Variants in ZNF829 observed in about 807,000 individuals in gnomAD.
ZNF829 encodes the protein zinc finger protein 829.
ZNF829 carries 25 observed loss-of-function variants against 35.2 expected under a neutral mutation model. That is an observed-to-expected ratio of 0.71 (90% confidence interval 0.52 to 0.99). ZNF829 has a LOEUF of 0.99. Among genes scored for constraint, ZNF829 ranks in the 50% least tolerant of loss-of-function variants. The probability of loss-of-function intolerance (pLI) is 0.00; values close to 1 mark genes in which losing one functional copy is unlikely to be tolerated. For missense variants in ZNF829, 417 were observed against 515.3 expected (o/e 0.81, Z 1.85); for synonymous variants, 136 against 163.2 (o/e 0.83, Z 1.27).
intron 5 of ZNF829, 57 bp from the exon 6 acceptor site, chr19:36,892,528 T>G: frequency 6.8e-7 from 1 of 1,476,348 alleles, no homozygotes; most frequent in Non-Finnish European, 9.0e-7. Flanking sequence ...TTAAAACTTC[T>G]AAAAAAGAAA....
chr19:36,900,836 AGACTGTCTC>A, intron 5 of ZNF829, among the ~76,000 whole-genome samples: 1 of 142,522 alleles, frequency 7.0e-6, no homozygotes. Context: ...CAACAGAGCG[AGACTGTCTC>A]AGAAAAAAAA....
intron 5 of ZNF829, among the ~76,000 whole-genome samples, 175 bp from the exon 6 acceptor site, chr19:36,892,646 A>G (rs2073069080): frequency 6.6e-6 from 1 of 152,198 alleles, no homozygotes; most frequent in African/African-American, 2.4e-5. Flanking sequence ...GAGAGGTAAT[A>G]AAAGAAGCTG....
chr19:36,898,256 T>C (rs1250435118), intron 5 of ZNF829, among the ~76,000 whole-genome samples: 6 of 152,102 alleles, frequency 3.9e-5, no homozygotes, highest in Admixed American at 3.3e-4. Flanking sequence ...TTTATTAATA[T>C]AATAGCTACA....
At chr19:36,908,122 A>C (rs1454356432) in intron 4 of ZNF829, 98 bp from the exon 5 acceptor site, 2 of 1,245,790 alleles carry the variant, frequency 1.6e-6, no homozygotes, top group Non-Finnish European at 2.3e-6. Context: ...CCACTACAAG[A>C]AGGACCGGAG....
At position 36,891,485 on chromosome 19, in the gene ZNF829, C is replaced by T; in HGVS notation, c.*7G>A. The T allele has an allele frequency of 6.5e-7, 1 of 1,531,080 alleles. No individual in the cohort carries two copies. Among genetic ancestry groups the T allele is most frequent in the Non-Finnish European group, 8.7e-7 (1 of 1,143,400 alleles). The allele number at this position is 1,531,080 out of a possible 1,614,324, so 94.8% of individuals were successfully genotyped here. A position where few individuals can be genotyped will look rare whatever the true frequency, so the allele number is the denominator to read the frequency against. ...AGGTTAACAAAATGGTCTTACTTTA[C>T]TGTCATTCAACCAGTATGAATTCCC... On this transcript the variant is annotated 3_prime_UTR_variant, in exon 6 of 6. Coordinates refer to ENST00000391711, the MANE Select transcript of ZNF829 (RefSeq NM_001037232.4).
Position 36,889,656 on chromosome 19 carries a change from ATCT to A in ZNF829, c.*1833_*1835del, listed in dbSNP as rs1345790528. The A allele has an allele frequency of 6.6e-6, 1 of 151,846 alleles. No homozygotes were observed. The highest frequency in any genetic ancestry group is 1.5e-5 in the Non-Finnish European group (1 of 67,952). 9.4% of individuals were successfully genotyped at this position (151,846 alleles called of 1,614,324 possible). On this transcript the variant is annotated 3_prime_UTR_variant, in exon 6 of 6. Transcript: ENST00000391711. ...ATCATTTCTGATTGTATTTATTTGA[ATCT>A]TCTTTTTTTCTTGGTTAATCTAGCT...
intron 5 of ZNF829, chr19:36,906,354 A>C (rs2073215319): frequency 6.6e-6 from 1 of 152,226 alleles, no homozygotes; most frequent in Non-Finnish European, 1.5e-5. Flanking sequence ...GATACATAGA[A>C]TATAATAAGA....
chr19:36,892,660 A>C (rs1442488883), intron 5 of ZNF829, among the ~76,000 whole-genome samples, 189 bp from the exon 6 acceptor site: 1 of 152,226 alleles, frequency 6.6e-6, no homozygotes, highest in African/African-American at 2.4e-5. Flanking sequence ...GAAGCTGAGG[A>C]TGTGGATTCA....
chr19:36,915,647 G>C (rs1319839733), intron 1 of ZNF829: 3 of 589,682 alleles, frequency 5.1e-6, no homozygotes, highest in African/African-American at 1.9e-5. Flanking sequence ...CGCCAGGCTG[G>C]AGTGCAGTGG....
At chr19:36,899,328 T>G (rs111858729) in intron 5 of ZNF829, among the ~76,000 whole-genome samples, 2,034 of 151,798 alleles carry the variant, frequency 0.013, 57 homozygotes, top group African/African-American at 0.047. Context: ...ACCTGCAGTC[T>G]TAGCTACTTA....
At chr19:36,897,794 A>T (rs1285462302) in intron 5 of ZNF829, among the ~76,000 whole-genome samples, 1 of 152,244 alleles carries the variant, frequency 6.6e-6, no homozygotes, top group Non-Finnish European at 1.5e-5. Context: ...CATATATTTA[A>T]AAACCTAAAG....
chr19:36,893,260 A>G (rs905708757), intron 5 of ZNF829, among the ~76,000 whole-genome samples: 2 of 152,180 alleles, frequency 1.3e-5, no homozygotes, highest in African/African-American at 4.8e-5. Context: ...TGCATACAGC[A>G]TGATATGGGC....
At chr19:36,905,140 A>G (rs2073205041) in intron 5 of ZNF829, among the ~76,000 whole-genome samples, 1 of 152,126 alleles carries the variant, frequency 6.6e-6, no homozygotes, top group African/African-American at 2.4e-5. Context: ...CTGTTTTACA[A>G]CTTTCTTCTG....
intron 5 of ZNF829, chr19:36,902,068 ATC>A: frequency 1.9e-6 from 1 of 522,800 alleles, no homozygotes; most frequent in South Asian, 2.2e-5. Context: ...TTATCTATGT[ATC>A]TGTTACCACT....
At chr19:36,914,915 A>G in intron 3 of ZNF829, 50 bp downstream of exon 3, 3 of 1,579,664 alleles carry the variant, frequency 1.9e-6, no homozygotes, top group Non-Finnish European at 2.6e-6. Flanking sequence ...ATTAAATGAC[A>G]TTCCTTTAAG....
intron 5 of ZNF829, chr19:36,906,033 C>T (rs886563254): frequency 1.3e-5 from 2 of 151,954 alleles, no homozygotes; most frequent in African/African-American, 2.4e-5. Context: ...TGGATATTCA[C>T]ATGGAAAAAA....
chr19:36,889,050 G>C lies in ZNF829; in HGVS notation c.*2442C>G, dbSNP rs562968708. The C allele has an allele frequency of 6.6e-6, 1 of 152,200 alleles. No homozygotes were observed. Among genetic ancestry groups the C allele is most frequent in the East Asian group, 1.9e-4 (1 of 5,184 alleles). The allele number at this position is 152,200 out of a possible 1,614,324, so 9.4% of individuals were successfully genotyped here. A position where few individuals can be genotyped will look rare whatever the true frequency, so the allele number is the denominator to read the frequency against. ...GCCTTGCAAAGTGCTGGGATTACAGGTGTGAGTGCCTGGCTTATTTTTAAT... is the reference window on the plus strand; with the variant it reads ...GCCTTGCAAAGTGCTGGGATTACAGCTGTGAGTGCCTGGCTTATTTTTAAT... On this transcript the variant is annotated 3_prime_UTR_variant, in exon 6 of 6. Coordinates refer to ENST00000391711, the MANE Select transcript of ZNF829 (RefSeq NM_001037232.4).
At chr19:36,894,839 G>A (rs986595551) in intron 5 of ZNF829, among the ~76,000 whole-genome samples, 3 of 152,164 alleles carry the variant, frequency 2.0e-5, no homozygotes, top group African/African-American at 7.2e-5. Context: ...CAAATTTTGG[G>A]TATTCTAGGA....
intron 3 of ZNF829, 45 bp from the exon 4 acceptor site, chr19:36,908,504 A>G (rs1339453944): frequency 1.3e-6 from 2 of 1,561,930 alleles, no homozygotes; most frequent in Non-Finnish European, 8.6e-7. Flanking sequence ...GAAAAGAAAA[A>G]GATGGCGGTA....
Sources: gnomAD v4.1 joint callset for allele counts (sites outside exome capture counted in the v4.1 genomes callset) on GRCh38, gnomAD v4.1.1 for gene constraint, MANE v1.5 for transcripts, NCBI Gene and HGNC (gene_info 2026-07-23, HGNC 2026-07-21) for gene names.